The following GPM6B variants were observed in gnomAD, a reference collection of about 807,000 sequenced individuals.
GPM6B encodes neuronal membrane glycoprotein M6-b.
In GPM6B, 4 loss-of-function variants were observed where a neutral mutation model predicts 27.2. That is an observed-to-expected ratio of 0.15 (90% CI 0.07 to 0.34). The LOEUF is 0.34. Among genes scored for constraint, GPM6B ranks in the 10% least tolerant of loss-of-function variants. The pLI, the probability that GPM6B is intolerant of heterozygous loss-of-function variation, is 1.00. For synonymous variants in GPM6B, 124 were observed against 103.1 expected, an observed-to-expected ratio of 1.20 and a Z score of -1.23; for missense variants, 183 against 261.9, an observed-to-expected ratio of 0.70 and a Z score of 2.08.
At chrX:13,928,827 C>G (rs1921335784) in intron 1 of GPM6B, among the ~76,000 whole-genome samples, 1 of 112,045 alleles carries the variant, frequency 8.9e-6, no homozygotes, top group African/African-American at 3.2e-5. Flanking sequence ...TCTTTTTGCG[C>G]TGGAACTATT....
At chrX:13,870,565 A>C in intron 1 of GPM6B, among the ~76,000 whole-genome samples, 1 of 111,762 alleles carries the variant, frequency 8.9e-6, no homozygotes, top group Non-Finnish European at 1.9e-5. Flanking sequence ...AAGCAATAAC[A>C]ACCATTCCAA....
In GPM6B at chrX:13,937,825, T is replaced by G. The variant is rs1603157380; in HGVS notation, c.-198+502A>C. Reference sequence around the variant, plus strand: ...CCCTCCGGAGCTGAGCCTTTTGCCGTTGCTAGTCGTTCCCCCGTTGCATTG... The same window carrying G: ...CCCTCCGGAGCTGAGCCTTTTGCCGGTGCTAGTCGTTCCCCCGTTGCATTG... On this transcript the variant is annotated intron_variant, in intron 1 of 6. Coordinates refer to the GPM6B transcript ENST00000398361. 2.7e-5 allele frequency among the ~76,000 whole-genome samples: 3 copies of G among 111,316 alleles called. No homozygotes were observed. In the Middle Eastern group the frequency reaches 0.014, roughly 508 times the overall value.
intron 1 of GPM6B, among the ~76,000 whole-genome samples, chrX:13,930,141 C>G (rs1055493022): frequency 1.8e-5 from 2 of 111,896 alleles, no homozygotes; most frequent in Non-Finnish European, 3.8e-5. Flanking sequence ...GTAAGCAATT[C>G]TTACTTTTAG....
chrX:13,851,473 T>C (rs781395421), intron 1 of GPM6B, among the ~76,000 whole-genome samples: 13 of 111,341 alleles, frequency 1.2e-4, no homozygotes, highest in South Asian at 3.8e-4. Context: ...CAGTGAACAG[T>C]AGCTATCATC....
rs1277469048 is a variant in GPM6B, at chrX:13,772,004, T to A, written c.*877A>T. Reference sequence around the variant, plus strand: ...TGGTTTAGAATGGTGGTCATTTTAATAAGGTAACACTTCTTAATAATTAAG... The same window carrying A: ...TGGTTTAGAATGGTGGTCATTTTAAAAAGGTAACACTTCTTAATAATTAAG... On this transcript the variant is annotated 3_prime_UTR_variant, in exon 8 of 8. Coordinates refer to ENST00000316715, the MANE Select transcript of GPM6B (RefSeq NM_001001995.3). 3 of 112,539 alleles carry A rather than the reference T, an allele frequency of 2.7e-5. No individual in the cohort carries two copies. Among genetic ancestry groups the A allele is most frequent in the Non-Finnish European group, 3.8e-5 (2 of 53,233 alleles). The allele number at this position is 112,539 out of a possible 1,213,427, so 9.3% of individuals were successfully genotyped here. A position where few individuals can be genotyped will look rare whatever the true frequency, so the allele number is the denominator to read the frequency against.
At chrX:13,794,367 T>C (rs1438163923) in intron 2 of GPM6B, among the ~76,000 whole-genome samples, 1 of 110,620 alleles carries the variant, frequency 9.0e-6, no homozygotes, top group Admixed American at 9.7e-5. Flanking sequence ...CGGGACTTCA[T>C]TAAAACGCAG....
chrX:13,837,419 G>C (rs766162617), intron 1 of GPM6B, among the ~76,000 whole-genome samples: 1 of 111,556 alleles, frequency 9.0e-6, no homozygotes, highest in Non-Finnish European at 1.9e-5. Flanking sequence ...GGCAGTGCCT[G>C]GGGGAAGGGC....
rs1232882005 is a variant in GPM6B at position 13,836,390 on chromosome X, C to G, written c.-197-50582G>C. 3.6e-5 allele frequency among the ~76,000 whole-genome samples: 4 copies of G among 111,940 alleles called. No individual in the cohort carries two copies. The East Asian group carries it at 1.1e-3, about 31-fold the overall frequency. Reference sequence around the variant, plus strand: ...TTAATCATTTAATACCTGCATGCATCTGGATAAGTGAGCTACCTATTTGTA... The same window carrying G: ...TTAATCATTTAATACCTGCATGCATGTGGATAAGTGAGCTACCTATTTGTA... On this transcript the variant is annotated intron_variant, in intron 1 of 6. Coordinates refer to the GPM6B transcript ENST00000398361.
intron 1 of GPM6B, among the ~76,000 whole-genome samples, chrX:13,858,037 A>G (rs2049801548): frequency 8.9e-6 from 1 of 112,587 alleles, no homozygotes; most frequent in African/African-American, 3.2e-5. Flanking sequence ...TTGACCATCA[A>G]AGTGCTGTGT....
At chrX:13,853,565 T>C (rs1329793855) in intron 1 of GPM6B, among the ~76,000 whole-genome samples, 1 of 74,365 alleles carries the variant, frequency 1.3e-5, no homozygotes, top group Non-Finnish European at 2.3e-5. Context: ...GGTTACTCCC[T>C]GGGCGACAGG....
rs1417298623 is a variant in GPM6B at position 13,829,943 on chromosome X, GGCATGTGATGT to G, written c.-197-44146_-197-44136del. Among the ~76,000 whole-genome samples the G allele has an allele frequency of 1.7e-4, 18 of 108,296 alleles. 1 individual carries two copies. Among genetic ancestry groups the G allele is most frequent in the African/African-American group, 6.1e-4 (18 of 29,649 alleles). The allele number at this position is 108,296 out of a possible 115,157, so 94.0% of individuals were successfully genotyped here. ...TCAGGCAAGCAGGGTCAGCTTCAGG[GGCATGTGATGT>G]GCATAGAGCCTTGCCCTCAGAAGGG... On this transcript the variant is annotated intron_variant, in intron 1 of 6. Coordinates refer to the GPM6B transcript ENST00000398361.
chrX:13,933,454 C>A (rs1030043415), intron 1 of GPM6B, among the ~76,000 whole-genome samples: 1 of 111,991 alleles, frequency 8.9e-6, no homozygotes, highest in Non-Finnish European at 1.9e-5. Context: ...GGGTTGTAGG[C>A]TCTTTTGCAA....
intron 1 of GPM6B, chrX:13,938,276 G>A (rs1921942298): frequency 8.0e-6 from 2 of 248,676 alleles, no homozygotes; most frequent in Admixed American, 7.1e-5. Flanking sequence ...CAGCCTGGCC[G>A]CAGCCGGAGC....
At chrX:13,869,118 T>A (rs760068134) in intron 1 of GPM6B, among the ~76,000 whole-genome samples, 1 of 112,267 alleles carries the variant, frequency 8.9e-6, no homozygotes, top group South Asian at 3.7e-4. Context: ...GTGGTCCGTA[T>A]TCATACAACA....
intron 1 of GPM6B, among the ~76,000 whole-genome samples, chrX:13,907,522 A>G (rs1281766158): frequency 3.6e-5 from 4 of 111,524 alleles, no homozygotes; most frequent in African/African-American, 6.5e-5. Flanking sequence ...CGTCTCTACT[A>G]AAAATACAAA....
Position 13,824,229 on chromosome X carries a change from C to G in GPM6B, c.-197-38421G>C, listed in dbSNP as rs149121041. 9.8e-5 allele frequency among the ~76,000 whole-genome samples: 11 copies of G among 112,321 alleles called. No homozygotes were observed. The East Asian group carries it at 2.8e-3, about 29-fold the overall frequency. On this transcript the variant is annotated intron_variant, in intron 1 of 6. Transcript: ENST00000398361. ...AATGTTTCTAAACACTGCCAAGTGT[C>G]TCCTGGAGGGTAATATCATCCCCAG...
chrX:13,779,970 A>G lies in GPM6B; in HGVS notation c.545T>C (p.Val182Ala), dbSNP rs1353120784. ...CACACCCAGCCAGGCCACTCCAAGC[A>G]CATAGGTGAGGAAAACGAACTAGGC... is the stretch of plus-strand genomic sequence containing the variant. ...ISGMFVFLTY[V>A]LGVAWLGVFG... Residue 182 changes from valine (V) to alanine (A), a missense_variant, in exon 5 of 8, where the codon GTG (valine) becomes GCG (alanine). Physicochemically the swap from Val to Ala is moderately conservative, Grantham distance 64 (BLOSUM62 0). Coordinates refer to ENST00000316715, the MANE Select transcript of GPM6B (RefSeq NM_001001995.3). The G allele has an allele frequency of 1.1e-5, 13 of 1,192,166 alleles. No homozygotes were observed. Among genetic ancestry groups the G allele is most frequent in the Non-Finnish European group, 1.4e-5 (12 of 880,816 alleles).
At chrX:13,937,763 A>G (rs1480849344) in intron 1 of GPM6B, among the ~76,000 whole-genome samples, 1 of 111,247 alleles carries the variant, frequency 9.0e-6, no homozygotes, top group East Asian at 2.8e-4. Flanking sequence ...GCCGCCTTAC[A>G]CCAGCCTCGG....
chrX:13,865,626 G>A (rs1267002726), intron 1 of GPM6B, among the ~76,000 whole-genome samples: 5 of 102,439 alleles, frequency 4.9e-5, no homozygotes, highest in Admixed American at 3.2e-4. Context: ...GCATGGTGGT[G>A]CACACCTATA....
Sources: gnomAD v4.1 joint callset for allele counts (sites outside exome capture counted in the v4.1 genomes callset) on GRCh38, gnomAD v4.1.1 for gene constraint, MANE v1.5 for transcripts, NCBI Gene and HGNC (gene_info 2026-07-23, HGNC 2026-07-21) for gene names.